The following USP47 variants were observed in gnomAD, a reference collection of about 807,000 sequenced individuals.
The protein encoded by USP47 is ubiquitin carboxyl-terminal hydrolase 47.
In USP47, 35 loss-of-function variants were observed where a neutral mutation model predicts 165.1. The ratio of observed to expected loss-of-function variants is 0.21; its 90% CI spans 0.16 to 0.28. The LOEUF (loss-of-function observed/expected upper bound fraction) is 0.28, where lower values mean the gene tolerates loss of function less well. USP47 is among the 10% of genes least tolerant of loss of function. The probability of loss-of-function intolerance (pLI) is 1.00; values close to 1 mark genes in which losing one functional copy is unlikely to be tolerated. For missense variants in USP47, 1,277 were observed against 1,607.4 expected (o/e 0.79, Z 3.52); for synonymous variants, 531 against 544.5 (o/e 0.98, Z 0.35).
chr11:11,929,376 C>G, intron 11 of USP47, 58 bp from the exon 12 acceptor site: 1 of 1,578,556 alleles, frequency 6.3e-7, no homozygotes, highest in Non-Finnish European at 8.6e-7. Flanking sequence ...ATAGGAAATA[C>G]ACAAATAAGG....
intron 8 of USP47, among the ~76,000 whole-genome samples, chr11:11,914,849 T>C (rs1853290876): frequency 6.6e-6 from 1 of 152,148 alleles, no homozygotes; most frequent in African/African-American, 2.4e-5. Flanking sequence ...AATGACAGCA[T>C]GGAAATCTGG....
intron 20 of USP47, 92 bp from the exon 21 acceptor site, chr11:11,947,851 TAC>T: frequency 7.5e-7 from 1 of 1,328,578 alleles, no homozygotes; most frequent in Middle Eastern, 2.0e-4. Flanking sequence ...CTTTACTGCA[TAC>T]AGTGTAATAA....
chr11:11,906,506 C>G (rs1163740954), intron 8 of USP47, among the ~76,000 whole-genome samples: 4 of 152,050 alleles, frequency 2.6e-5, no homozygotes, highest in Non-Finnish European at 4.4e-5. Flanking sequence ...ATTTTTTCTC[C>G]TACCTTTATA....
At position 11,959,508 on chromosome 11, in the gene USP47, G is replaced by A. The variant is rs570765569; in HGVS notation, c.*3333G>A. Among the ~76,000 whole-genome samples the A allele has an allele frequency of 4.3e-4, 65 of 152,246 alleles. No homozygotes were observed. Among genetic ancestry groups the A allele is most frequent in the African/African-American group, 1.4e-3 (60 of 41,538 alleles). ...CCAAATGAAGCTTGTGGCCACCTAG[G>A]TTTAGTGTACATGAAATTGGAAGAT... On this transcript the variant is annotated 3_prime_UTR_variant, in exon 28 of 28. Transcript: ENST00000527733.
At position 11,892,721 on chromosome 11, in the gene USP47, TG is replaced by T. The variant is rs375693012; in HGVS notation, c.496+618del. 1.7e-3 allele frequency among the ~76,000 whole-genome samples: 249 copies of T among 146,336 alleles called. 4 individuals carry two copies. In the South Asian group the frequency reaches 0.025, roughly 14 times the overall value. On this transcript the variant is annotated intron_variant, in intron 4 of 27. Coordinates refer to ENST00000527733, the MANE Select transcript of USP47 (RefSeq NM_001282659.2). ...GTCCCAGCTCCTCAGGAGGCTTAGG[TG>T]GGAGGATTGCTTGAGCCCAGGAGGT...
intron 19 of USP47, among the ~76,000 whole-genome samples, chr11:11,941,786 A>G (rs201362536): frequency 2.6e-5 from 4 of 152,086 alleles, no homozygotes; most frequent in South Asian, 2.1e-4. Flanking sequence ...TCAGTGTTCA[A>G]ATTTCTCTGA....
intron 1 of USP47, among the ~76,000 whole-genome samples, chr11:11,875,365 A>C (rs1327245006): frequency 6.6e-6 from 1 of 152,132 alleles, no homozygotes; most frequent in Non-Finnish European, 1.5e-5. Context: ...TGAAACAAAA[A>C]TTATGATGTT....
At chr11:11,885,563 G>A (rs971986724) in intron 3 of USP47, among the ~76,000 whole-genome samples, 1 of 152,086 alleles carries the variant, frequency 6.6e-6, no homozygotes, top group African/African-American at 2.4e-5. Flanking sequence ...ACGCCACCAG[G>A]GTCTTGGGTC....
Position 11,902,733 on chromosome 11 carries a change from TGAA to T in USP47, c.618_620del (p.Glu206del). On this transcript the variant is annotated inframe_deletion, in exon 6 of 28. Coordinates refer to ENST00000527733, the MANE Select transcript of USP47 (RefSeq NM_001282659.2). ...TTAATAGGTGGGAATTTGAAGAATC[TGAA>T]GAAGATCCAGTGACAAGTATTCCAT... 6.4e-7 allele frequency: 1 copy of T among 1,565,506 alleles called. No individual in the cohort carries two copies. Among genetic ancestry groups the T allele is most frequent in the Non-Finnish European group, 8.6e-7 (1 of 1,157,038 alleles).
chr11:11,938,397 A>G, intron 18 of USP47, 25 bp downstream of exon 18: 1 of 1,594,288 alleles, frequency 6.3e-7, no homozygotes, highest in Non-Finnish European at 8.6e-7. Flanking sequence ...GGGTCTGTAA[A>G]TAAATTTTTG....
chr11:11,910,857 A>G (rs1394066996), intron 8 of USP47, among the ~76,000 whole-genome samples: 2 of 152,198 alleles, frequency 1.3e-5, no homozygotes, highest in Non-Finnish European at 2.9e-5. Context: ...CCAGGTTTCA[A>G]TTAAAAAATC....
chr11:11,949,548 C>T (rs1392596625), intron 22 of USP47, among the ~76,000 whole-genome samples: 4 of 152,070 alleles, frequency 2.6e-5, no homozygotes, highest in Admixed American at 2.6e-4. Context: ...ATACATTTCC[C>T]TCATTTTAGT....
intron 1 of USP47, among the ~76,000 whole-genome samples, chr11:11,845,287 G>A (rs1848363777): frequency 6.6e-6 from 1 of 152,048 alleles, no homozygotes; most frequent in Non-Finnish European, 1.5e-5. Context: ...TAGTCAAACA[G>A]GTTTCTCTCT....
In USP47 at chr11:11,846,489, A is replaced by G. The variant is rs192020822; in HGVS notation, c.39+4265A>G. On this transcript the variant is annotated intron_variant, in intron 1 of 27. Coordinates refer to ENST00000527733, the MANE Select transcript of USP47 (RefSeq NM_001282659.2). ...GAGAAAATGGAAAAAATGAAGGAAA[A>G]AGAGTAGAAATGTAAATTCTTTATC... Among the ~76,000 whole-genome samples the G allele has an allele frequency of 3.0e-3, 464 of 152,228 alleles. 3 individuals carry two copies. The highest frequency in any genetic ancestry group is 5.3e-3 in the Non-Finnish European group (360 of 67,968).
chr11:11,940,688 C>T, intron 19 of USP47, 140 bp downstream of exon 19: 2 of 939,468 alleles, frequency 2.1e-6, no homozygotes, highest in Non-Finnish European at 3.1e-6. Flanking sequence ...CAGTAATTAC[C>T]TTCCTTTGTA....
At chr11:11,907,432 A>G (rs1852643393) in intron 8 of USP47, among the ~76,000 whole-genome samples, 1 of 152,210 alleles carries the variant, frequency 6.6e-6, no homozygotes. Flanking sequence ...ACTACCCAAG[A>G]TAGGGGTTCT....
intron 1 of USP47, among the ~76,000 whole-genome samples, chr11:11,856,099 T>G (rs1240754085): frequency 6.6e-6 from 1 of 152,186 alleles, no homozygotes; most frequent in African/African-American, 2.4e-5. Context: ...AAAAATTTAG[T>G]GTAGATGCAT....
rs563482245 is a variant in USP47, at chr11:11,887,458, A to G, written c.357+2878A>G. Among the ~76,000 whole-genome samples, 4 of 152,310 alleles carry G rather than the reference A, an allele frequency of 2.6e-5. No individual in the cohort carries two copies. The East Asian group carries it at 7.7e-4, about 29-fold the overall frequency. On this transcript the variant is annotated intron_variant, in intron 3 of 27. Coordinates refer to ENST00000527733, the MANE Select transcript of USP47 (RefSeq NM_001282659.2). ...TTTCTGACAAAACAGAGTTTACACC[A>G]ACAAAGATAAAAAAAGACAAGGGCA...
At chr11:11,947,576 G>A (rs1320543585) in intron 20 of USP47, among the ~76,000 whole-genome samples, 13 of 152,274 alleles carry the variant, frequency 8.5e-5, no homozygotes, top group South Asian at 2.1e-4. Context: ...GGCTGGCGCC[G>A]TGTCCCATAT....
Sources: allele counts gnomAD v4.1 joint callset (sites outside exome capture counted in the v4.1 genomes callset), GRCh38; gene constraint gnomAD v4.1.1; transcripts MANE v1.5; gene names NCBI Gene and HGNC (gene_info 2026-07-23, HGNC 2026-07-21).